The following COL5A2 variants were observed in gnomAD, a reference collection of about 807,000 sequenced individuals.
COL5A2 encodes collagen alpha-2(V) chain.
A neutral mutation model predicts 208.2 loss-of-function variants in COL5A2; 23 were observed. The ratio of observed to expected loss-of-function variants is 0.11; its 90% CI spans 0.08 to 0.16. COL5A2 has a LOEUF of 0.16. Ranked by LOEUF, COL5A2 falls within the 10% of genes least tolerant of loss-of-function variation. The pLI is 1.00. For missense variants in COL5A2, 1,590 were observed against 1,956.4 expected, an observed-to-expected ratio of 0.81 and a Z score of 3.53; for synonymous variants, 625 against 628.5, an observed-to-expected ratio of 0.99 and a Z score of 0.08.
In COL5A2 at chr2:189,162,508, G is replaced by C. The variant is rs556722140; in HGVS notation, c.97+17000C>G. Reference sequence around the variant, plus strand: ...AATAATGACTTCTGAAGATAGAATGGGATTTAAATCCCCCAAAGTAGTAAA... The same window carrying C: ...AATAATGACTTCTGAAGATAGAATGCGATTTAAATCCCCCAAAGTAGTAAA... On this transcript the variant is annotated intron_variant, in intron 1 of 53. Transcript: ENST00000374866. 1.4e-4 allele frequency among the ~76,000 whole-genome samples: 22 copies of C among 152,168 alleles called. No individual in the cohort carries two copies. The East Asian group carries it at 2.3e-3, about 16-fold the overall frequency.
the COL5A2 span, among the ~76,000 whole-genome samples, chr2:189,357,035 CCT>C: frequency 2.0e-5 from 3 of 152,138 alleles, no homozygotes; most frequent in African/African-American, 7.2e-5. Context: ...CACTCCAGAC[CCT>C]GTTTGCCTGG....
the COL5A2 span, among the ~76,000 whole-genome samples, chr2:189,243,625 C>G: frequency 6.6e-6 from 1 of 152,278 alleles, no homozygotes; most frequent in Admixed American, 6.5e-5. Flanking sequence ...CAGAGCCAAA[C>G]CATATCATTC....
At chr2:189,160,599 G>A (rs1321786053) in intron 1 of COL5A2, among the ~76,000 whole-genome samples, 1 of 151,730 alleles carries the variant, frequency 6.6e-6, no homozygotes, top group Non-Finnish European at 1.5e-5. Flanking sequence ...GCACAGAGAA[G>A]GAAAAATAAA....
chr2:189,384,598 A>AT, the COL5A2 span, among the ~76,000 whole-genome samples: 1 of 152,012 alleles, frequency 6.6e-6, no homozygotes, highest in African/African-American at 2.4e-5. Flanking sequence ...ATAATCAGGT[A>AT]TTTTTTTGCT....
chr2:189,383,878 T>G, the COL5A2 span, among the ~76,000 whole-genome samples: 2 of 152,108 alleles, frequency 1.3e-5, no homozygotes, highest in African/African-American at 4.8e-5. Context: ...ATTTTTGTAC[T>G]CATTAACTAA....
chr2:189,374,487 T>G, the COL5A2 span, among the ~76,000 whole-genome samples: 1 of 152,148 alleles, frequency 6.6e-6, no homozygotes, highest in African/African-American at 2.4e-5. Flanking sequence ...AGGACTAATT[T>G]CATTAAAAAA....
chr2:189,080,494 G>A (rs563095140), intron 13 of COL5A2, among the ~76,000 whole-genome samples: 1 of 148,916 alleles, frequency 6.7e-6, no homozygotes, highest in Non-Finnish European at 1.5e-5. Flanking sequence ...TTGATATTAT[G>A]ATAGTTAGAT....
At chr2:189,086,658 A>T in intron 9 of COL5A2, 68 bp downstream of exon 9, 2 of 1,250,298 alleles carry the variant, frequency 1.6e-6, no homozygotes, top group Non-Finnish European at 2.3e-6. Flanking sequence ...TGTCACAGAG[A>T]CCTTATGTAA....
intron 1 of COL5A2, among the ~76,000 whole-genome samples, chr2:189,135,239 T>C (rs1434655554): frequency 6.6e-6 from 1 of 152,224 alleles, no homozygotes; most frequent in Non-Finnish European, 1.5e-5. Context: ...CAGATGCTCA[T>C]GGATTACTGG....
At chr2:189,041,554 C>T in intron 50 of COL5A2, 32 bp downstream of exon 50, 1 of 1,478,214 alleles carries the variant, frequency 6.8e-7, no homozygotes, top group Non-Finnish European at 9.5e-7. Context: ...GAATAAATAG[C>T]ATTTCTTGCA....
At chr2:189,385,217 T>C in the COL5A2 span, among the ~76,000 whole-genome samples, 34 of 152,176 alleles carry the variant, frequency 2.2e-4, no homozygotes, top group African/African-American at 7.5e-4. Flanking sequence ...GATTCTATAC[T>C]CAGAAAACTC....
chr2:189,054,317 T>C (rs187309040), intron 35 of COL5A2, 105 bp from the exon 36 acceptor site: 52 of 832,698 alleles, frequency 6.2e-5, no homozygotes, highest in Admixed American at 4.1e-4. Flanking sequence ...TGTTATAATT[T>C]GGCTGCCTTT....
intron 7 of COL5A2, among the ~76,000 whole-genome samples, 183 bp from the exon 8 acceptor site, chr2:189,088,955 T>C (rs1213224746): frequency 6.6e-6 from 1 of 152,236 alleles, no homozygotes; most frequent in African/African-American, 2.4e-5. Context: ...GTGCTTTTTA[T>C]TGACCATTCT....
the COL5A2 span, among the ~76,000 whole-genome samples, chr2:189,290,830 TG>T: frequency 6.6e-6 from 1 of 151,508 alleles, no homozygotes; most frequent in Non-Finnish European, 1.5e-5. Flanking sequence ...AATATGTGAA[TG>T]GTACAATATC....
the COL5A2 span, among the ~76,000 whole-genome samples, chr2:189,430,459 C>T: frequency 6.6e-6 from 1 of 152,204 alleles, no homozygotes; most frequent in Non-Finnish European, 1.5e-5. Flanking sequence ...CCATGACAGA[C>T]TGTACCTGGA....
At chr2:189,084,147 T>G in intron 11 of COL5A2, 110 bp from the exon 12 acceptor site, 3 of 793,850 alleles carry the variant, frequency 3.8e-6, no homozygotes, top group Non-Finnish European at 6.5e-6. Flanking sequence ...TTTAGAAAGC[T>G]AATGTACAAT....
chr2:189,397,078 A>G, the COL5A2 span, among the ~76,000 whole-genome samples: 1 of 152,002 alleles, frequency 6.6e-6, no homozygotes, highest in Non-Finnish European at 1.5e-5. Flanking sequence ...TCATAGTTTC[A>G]TAGGTTGAAA....
At chr2:189,308,580 A>G in the COL5A2 span, among the ~76,000 whole-genome samples, 1 of 152,108 alleles carries the variant, frequency 6.6e-6, no homozygotes, top group East Asian at 1.9e-4. Flanking sequence ...GCACCTTTTT[A>G]GGTCTGATAA....
the COL5A2 span, among the ~76,000 whole-genome samples, chr2:189,252,539 A>C: frequency 6.6e-6 from 1 of 151,882 alleles, no homozygotes; most frequent in Non-Finnish European, 1.5e-5. Context: ...CCATGTTCTC[A>C]CTCACAGGTG....
Sources: gnomAD v4.1 joint callset for allele counts (sites outside exome capture counted in the v4.1 genomes callset) on GRCh38, gnomAD v4.1.1 for gene constraint, MANE v1.5 for transcripts, NCBI Gene and HGNC (gene_info 2026-07-23, HGNC 2026-07-21) for gene names.